Variants in PPWD1 observed in about 807,000 individuals in gnomAD.
The protein encoded by PPWD1 is peptidylprolyl isomerase domain and WD repeat containing 1.
A neutral mutation model predicts 68.8 loss-of-function variants in PPWD1; 43 were observed. The observed-to-expected ratio is 0.62, with a 90% CI of 0.49 to 0.81. PPWD1 has a LOEUF of 0.81. Ranked by LOEUF, PPWD1 falls within the 30% of genes least tolerant of loss-of-function variation. The pLI is 0.00. For synonymous variants in PPWD1, 232 were observed against 258.7 expected (o/e 0.90, Z 0.99); for missense variants, 672 against 804.8 (o/e 0.83, Z 2.00).
rs1164950833 is a variant in PPWD1, at chr5:65,579,570, C to G, written c.1307C>G (p.Pro436Arg). The change falls in exon 7 of 11, where the codon CCA (proline) becomes CGA (arginine). Residue 436 changes from proline to arginine, a missense_variant. Physicochemically the swap from Pro to Arg is moderately radical, Grantham distance 103. Around this residue, in one of 2 missense-constraint regions of PPWD1, gnomAD observed 484 missense variants for 646.2 expected, o/e 0.75. Coordinates refer to ENST00000261308, the MANE Select transcript of PPWD1 (RefSeq NM_015342.4). ...NPVLQNIQAD[P>R]TIVCTSFKKN... ...GTTCTTCAGAATATTCAAGCTGACC[C>G]AACAATAGTCTGTACATCATTCAAA... 1.9e-6 allele frequency: 3 copies of G among 1,603,316 alleles called. No individual in the cohort carries two copies. In the South Asian group the frequency reaches 3.4e-5, roughly 18 times the overall value.
rs759251774 is a variant in PPWD1 at position 65,563,310 on chromosome 5, C to T, written c.-1C>T. 1.9e-6 allele frequency: 3 copies of T among 1,612,250 alleles called. No individual in the cohort carries two copies. In the Admixed American group the frequency reaches 5.0e-5, roughly 27 times the overall value. On this transcript the variant is annotated 5_prime_UTR_variant, in exon 1 of 11. Transcript: ENST00000261308. ...GCGCCTTTTCTGACGATGCGAACAACATGGCGGCGGAAAGTGGTAGCGATT... is the reference window on the plus strand; with the variant it reads ...GCGCCTTTTCTGACGATGCGAACAATATGGCGGCGGAAAGTGGTAGCGATT...
intron 2 of PPWD1, chr5:65,569,416 G>T: frequency 2.7e-6 from 1 of 369,070 alleles, no homozygotes; most frequent in South Asian, 4.3e-5. Context: ...TAGCTCTTGA[G>T]GTTAAAATTA....
intron 4 of PPWD1, 136 bp from the exon 5 acceptor site, chr5:65,571,702 TG>T (rs2150594111): frequency 7.3e-7 from 1 of 1,372,662 alleles, no homozygotes; most frequent in South Asian, 1.5e-5. Flanking sequence ...CCCCATTCTG[TG>T]TCTCTGCTAC....
rs1561716864 is a variant in PPWD1, at chr5:65,563,943, AT to A, written c.196+438del. ...AGGAAGGCGGTGCTTATTTCGAATC[AT>A]GGTAGGTAAAGATAATTTCAACTCT... On this transcript the variant is annotated intron_variant, in intron 1 of 10. Transcript: ENST00000261308. 4 of 1,088,968 alleles carry A rather than the reference AT, an allele frequency of 3.7e-6. No homozygotes were observed. The African/African-American group carries it at 6.3e-5, about 17-fold the overall frequency. 67.5% of individuals were successfully genotyped at this position (1,088,968 alleles called of 1,614,324 possible). A position where few individuals can be genotyped will look rare whatever the true frequency, so the allele number is the denominator to read the frequency against.
intron 1 of PPWD1, among the ~76,000 whole-genome samples, chr5:65,567,125 C>T (rs1752811399): frequency 6.6e-6 from 1 of 152,036 alleles, no homozygotes; most frequent in African/African-American, 2.4e-5. Flanking sequence ...TAAATTATGT[C>T]TACAATGTTA....
chr5:65,573,918 C>A (rs956368276), intron 5 of PPWD1, among the ~76,000 whole-genome samples: 1 of 152,068 alleles, frequency 6.6e-6, no homozygotes, highest in Non-Finnish European at 1.5e-5. Context: ...AGCATGTAGT[C>A]GTGGAATAAG....
intron 4 of PPWD1, 102 bp downstream of exon 4, chr5:65,570,100 C>A: frequency 4.9e-6 from 6 of 1,228,924 alleles, no homozygotes; most frequent in Non-Finnish European, 5.4e-6. Context: ...ATTACCATAT[C>A]TTTAAATAAA....
At chr5:65,581,745 A>G (rs1482276769) in intron 7 of PPWD1, among the ~76,000 whole-genome samples, 3 of 152,248 alleles carry the variant, frequency 2.0e-5, no homozygotes, top group African/African-American at 7.2e-5. Context: ...TTGAAAAAAT[A>G]GAGAAACAAA....
intron 9 of PPWD1, among the ~76,000 whole-genome samples, chr5:65,585,678 GGAGAA>G (rs1753808535): frequency 6.6e-6 from 1 of 152,060 alleles, no homozygotes; most frequent in Non-Finnish European, 1.5e-5. Context: ...AAAGGGAGAG[GGAGAA>G]GAGGAGGGCA....
At chr5:65,584,314 G>A (rs1353880544) in intron 8 of PPWD1, among the ~76,000 whole-genome samples, 3 of 152,060 alleles carry the variant, frequency 2.0e-5, no homozygotes, top group South Asian at 4.1e-4. Context: ...GCTCTTAGAA[G>A]TATTACATGG....
At chr5:65,578,797 CAT>C (rs1277147770) in intron 6 of PPWD1, among the ~76,000 whole-genome samples, 52 of 61,928 alleles carry the variant, frequency 8.4e-4, no homozygotes, top group South Asian at 2.7e-3. Flanking sequence ...TATATATATA[CAT>C]ATATATGTGT....
At chr5:65,578,706 TTATATA>T (rs1319952808) in intron 6 of PPWD1, among the ~76,000 whole-genome samples, 1 of 143,506 alleles carries the variant, frequency 7.0e-6, no homozygotes, top group African/African-American at 2.6e-5. Flanking sequence ...TAAGAGTTCT[TTATATA>T]TATGTATATA....
rs1350142057 is a variant in PPWD1 at position 65,584,875 on chromosome 5, T to C, written c.1533-139T>C. 5.5e-6 allele frequency: 6 copies of C among 1,084,982 alleles called. 1 individual carries two copies. Among genetic ancestry groups the C allele is most frequent in the Non-Finnish European group, 7.4e-6 (6 of 811,878 alleles). The allele number at this position is 1,084,982 out of a possible 1,614,324, so 67.2% of individuals were successfully genotyped here. A position where few individuals can be genotyped will look rare whatever the true frequency, so the allele number is the denominator to read the frequency against. On this transcript the variant is annotated intron_variant, in intron 8 of 10. Coordinates refer to ENST00000261308, the MANE Select transcript of PPWD1 (RefSeq NM_015342.4). ...CCGTGCTTGTCCTGAGATTAGAGAT[T>C]ATGAAAAAAAAAAACAACTGTCCTT...
intron 2 of PPWD1, 124 bp downstream of exon 2, chr5:65,567,739 T>A: frequency 2.2e-6 from 3 of 1,359,172 alleles, no homozygotes; most frequent in Non-Finnish European, 2.9e-6. Flanking sequence ...TCTTAAGTTC[T>A]GAAATAAAGG....
Position 65,583,201 on chromosome 5 carries a change from C to A in PPWD1, c.1514C>A (p.Thr505Asn), listed in dbSNP as rs138922075. The A allele has an allele frequency of 1.9e-6, 3 of 1,588,826 alleles. No individual in the cohort carries two copies. The highest frequency in any genetic ancestry group is 1.9e-5 in the Admixed American group (1 of 53,756). The change falls in exon 8 of 11, where the codon ACC becomes AAC. Residue 505 changes from threonine to asparagine, a missense_variant. By Grantham distance (65) the Thr-to-Asn change is moderately conservative (BLOSUM62 0). Coordinates refer to ENST00000261308, the MANE Select transcript of PPWD1 (RefSeq NM_015342.4). ...IIHTSMGDIH[T>N]KLFPVECPKT... ...CACACCAGCATGGGAGACATTCACA[C>A]CAAACTTTTTCCTGTTGAGTATGTA...
intron 5 of PPWD1, among the ~76,000 whole-genome samples, chr5:65,573,516 G>GTTTTTTGTTTTTTTTT (rs1753123905): frequency 6.5e-5 from 1 of 15,436 alleles, no homozygotes; most frequent in Non-Finnish European, 1.3e-4. Flanking sequence ...AGTACAGATG[G>GTTTTTTGTTTTTTTTT]TTTTTTTTTT....
chr5:65,574,479 C>T (rs113057113), intron 5 of PPWD1, among the ~76,000 whole-genome samples: 19,711 of 97,808 alleles, frequency 0.2, 2,661 homozygotes, highest in South Asian at 0.33. Flanking sequence ...TTTTTTGAGA[C>T]GGAGTCTCGC....
At chr5:65,572,836 G>A (rs1297992273) in intron 5 of PPWD1, among the ~76,000 whole-genome samples, 1 of 152,028 alleles carries the variant, frequency 6.6e-6, no homozygotes, top group Non-Finnish European at 1.5e-5. Flanking sequence ...TTTCTTTTCA[G>A]CACAGCTGTC....
At chr5:65,573,676 CAG>C (rs1286499100) in intron 5 of PPWD1, among the ~76,000 whole-genome samples, 3 of 150,690 alleles carry the variant, frequency 2.0e-5, no homozygotes, top group African/African-American at 7.3e-5. Flanking sequence ...GCCAAGCCAG[CAG>C]AGTTTTTTTT....
Sources: gnomAD v4.1 joint callset for allele counts (sites outside exome capture counted in the v4.1 genomes callset) on GRCh38, gnomAD v4.1.1 for gene constraint, gnomAD v4.1.1 regional missense constraint, MANE v1.5 for transcripts, NCBI Gene and HGNC (gene_info 2026-07-23, HGNC 2026-07-21) for gene names.